The following KCNK3 variants were observed in gnomAD, a reference collection of about 807,000 sequenced individuals.
KCNK3 encodes the protein potassium channel subfamily K member 3.
In KCNK3, 9 loss-of-function variants were observed where a neutral mutation model predicts 27.3. That is an observed-to-expected ratio of 0.33 (90% confidence interval 0.20 to 0.57). KCNK3 has a LOEUF of 0.57. Among genes scored for constraint, KCNK3 ranks in the 20% least tolerant of loss-of-function variants. The pLI, the probability that KCNK3 is intolerant of heterozygous loss-of-function variation, is 0.87. For synonymous variants in KCNK3, 278 were observed against 273.8 expected, an observed-to-expected ratio of 1.02 and a Z score of -0.15; for missense variants, 391 against 577.7, an observed-to-expected ratio of 0.68 and a Z score of 3.31.
At chr2:26,698,821 C>T (rs1468936143) in intron 1 of KCNK3, among the ~76,000 whole-genome samples, 1 of 151,976 alleles carries the variant, frequency 6.6e-6, no homozygotes, top group African/African-American at 2.4e-5. Context: ...AGGGGCTGGG[C>T]GTGGTGGCTC....
At chr2:26,716,185 G>A (rs570273724) in intron 1 of KCNK3, among the ~76,000 whole-genome samples, 2 of 152,298 alleles carry the variant, frequency 1.3e-5, no homozygotes, top group East Asian at 3.9e-4. Flanking sequence ...TGAATTTCAA[G>A]TTTGATTCTA....
intron 1 of KCNK3, among the ~76,000 whole-genome samples, chr2:26,709,400 C>G (rs1360057748): frequency 2.6e-5 from 4 of 152,074 alleles, no homozygotes; most frequent in African/African-American, 9.7e-5. Flanking sequence ...AGGAAGGGAG[C>G]CTGCCAGGAG....
chr2:26,707,319 C>A (rs1402884185), intron 1 of KCNK3, among the ~76,000 whole-genome samples: 1 of 152,158 alleles, frequency 6.6e-6, no homozygotes, highest in African/African-American at 2.4e-5. Flanking sequence ...CAGGCTGATC[C>A]CAGCCACTGC....
chr2:26,695,142 C>T (rs946352849), intron 1 of KCNK3, among the ~76,000 whole-genome samples: 3 of 152,226 alleles, frequency 2.0e-5, no homozygotes, highest in Admixed American at 6.5e-5. Flanking sequence ...TGATCCCTCT[C>T]GATAGCTGCC....
At position 26,693,453 on chromosome 2, in the gene KCNK3, G is replaced by C. The variant is rs1276811031; in HGVS notation, c.283+295G>C. On this transcript the variant is annotated intron_variant, in intron 1 of 1. Transcript: ENST00000302909. This position sits in a 1 kb window ranked among gnomAD's most constrained non-coding sequence, Gnocchi z 5.5. ...CGAAGTGTGTGAGAGGGGCAGGGAC[G>C]ACCGGCGGAGGCTCGGGCAGGAGGG... is the stretch of plus-strand genomic sequence containing the variant. 6.6e-6 allele frequency among the ~76,000 whole-genome samples: 1 copy of C among 152,250 alleles called. No individual in the cohort carries two copies. The highest frequency in any genetic ancestry group is 2.4e-5 in the African/African-American group (1 of 41,474).
intron 1 of KCNK3, among the ~76,000 whole-genome samples, chr2:26,700,504 G>A (rs1020893791): frequency 2.6e-5 from 4 of 152,182 alleles, no homozygotes; most frequent in African/African-American, 4.8e-5. Context: ...AGTTCTCCTG[G>A]GCTGGTGGCC....
At chr2:26,723,089 G>C (rs953687427) in intron 1 of KCNK3, among the ~76,000 whole-genome samples, 1 of 152,230 alleles carries the variant, frequency 6.6e-6, no homozygotes, top group Non-Finnish European at 1.5e-5. Context: ...AAGGGTAGGA[G>C]GTCAAGCAAG....
intron 1 of KCNK3, among the ~76,000 whole-genome samples, chr2:26,697,125 G>C (rs1199976174): frequency 6.6e-6 from 1 of 152,170 alleles, no homozygotes; most frequent in Non-Finnish European, 1.5e-5. Context: ...GGCCTCGGAA[G>C]CATGGCACTT....
chr2:26,720,803 T>C (rs758101248), intron 1 of KCNK3, among the ~76,000 whole-genome samples: 19 of 152,090 alleles, frequency 1.2e-4, no homozygotes, highest in Non-Finnish European at 2.2e-4. Flanking sequence ...GGATAGGTGC[T>C]GTGCTTCAGA....
At chr2:26,695,692 G>T (rs774446344) in intron 1 of KCNK3, among the ~76,000 whole-genome samples, 3 of 152,198 alleles carry the variant, frequency 2.0e-5, no homozygotes, top group Non-Finnish European at 4.4e-5. Context: ...TGGGTTTAAG[G>T]TGTGCAGAAA....
intron 1 of KCNK3, among the ~76,000 whole-genome samples, chr2:26,703,286 C>T (rs1670332209): frequency 6.6e-6 from 1 of 152,134 alleles, no homozygotes; most frequent in African/African-American, 2.4e-5. Flanking sequence ...AAAGACAACC[C>T]ATTATGAACT....
Position 26,721,369 on chromosome 2 carries a change from C to A in KCNK3, c.284-6298C>A, listed in dbSNP as rs1398906803. Among the ~76,000 whole-genome samples the A allele has an allele frequency of 6.6e-6, 1 of 152,114 alleles. No homozygotes were observed. The highest frequency in any genetic ancestry group is 1.5e-5 in the Non-Finnish European group (1 of 67,996). ...GGAGGGAGAGCACCTGCGCCCTCCT[C>A]CCGTCTCCACCAAGCTGCAGCCCCT... is the stretch of plus-strand genomic sequence containing the variant. On this transcript the variant is annotated intron_variant, in intron 1 of 1. Coordinates refer to ENST00000302909, the MANE Select transcript of KCNK3 (RefSeq NM_002246.3). The surrounding 1 kb of genome is among the most constrained non-coding windows in gnomAD (Gnocchi z 4.3).
intron 1 of KCNK3, among the ~76,000 whole-genome samples, chr2:26,713,590 G>A (rs1464544171): frequency 6.6e-6 from 1 of 152,072 alleles, no homozygotes; most frequent in Non-Finnish European, 1.5e-5. Flanking sequence ...GACCAGCCTG[G>A]CCAACATGGT....
chr2:26,699,219 AAGAAAGAAAG>A (rs1275829204), intron 1 of KCNK3, among the ~76,000 whole-genome samples: 1 of 147,406 alleles, frequency 6.8e-6, no homozygotes, highest in Non-Finnish European at 1.5e-5. Context: ...GAAAGAAAGA[AAGAAAGAAAG>A]AAAGAAAGAA....
chr2:26,718,888 A>T (rs1663278745), intron 1 of KCNK3, among the ~76,000 whole-genome samples: 1 of 152,218 alleles, frequency 6.6e-6, no homozygotes, highest in African/African-American at 2.4e-5. Flanking sequence ...GTTTACAGGC[A>T]TGAACGAGTG....
At chr2:26,712,177 G>A (rs984658437) in intron 1 of KCNK3, among the ~76,000 whole-genome samples, 1 of 152,306 alleles carries the variant, frequency 6.6e-6, no homozygotes. Context: ...TCAGAAGAGA[G>A]CAACAAGCCC....
rs142860959 is a variant in KCNK3 at position 26,728,992 on chromosome 2, C to A, written c.*424C>A. ...CTAGGTCTCCCACCTTCCCTTGGTT[C>A]CAAAAGCCAGGGTGTCTATGTCCAA... On this transcript the variant is annotated 3_prime_UTR_variant, in exon 2 of 2. Coordinates refer to ENST00000302909, the MANE Select transcript of KCNK3 (RefSeq NM_002246.3). 154 of 162,670 alleles carry A rather than the reference C, an allele frequency of 9.5e-4. No homozygotes were observed. Among genetic ancestry groups the A allele is most frequent in the African/African-American group, 3.6e-3 (151 of 41,966 alleles). The allele number at this position is 162,670 out of a possible 1,614,324, so 10.1% of individuals were successfully genotyped here. A position where few individuals can be genotyped will look rare whatever the true frequency, so the allele number is the denominator to read the frequency against.
At chr2:26,717,429 G>A (rs529489225) in intron 1 of KCNK3, among the ~76,000 whole-genome samples, 18 of 152,298 alleles carry the variant, frequency 1.2e-4, no homozygotes, top group Admixed American at 4.6e-4. Context: ...TGTAAGACTC[G>A]GGCCAGCCAG....
intron 1 of KCNK3, among the ~76,000 whole-genome samples, chr2:26,698,156 C>T (rs1181503236): frequency 6.6e-6 from 1 of 152,096 alleles, no homozygotes; most frequent in East Asian, 1.9e-4. Context: ...TCTGGCAGCT[C>T]ATCACTCCAT....
Sources: gnomAD v4.1 joint callset for allele counts (sites outside exome capture counted in the v4.1 genomes callset) on GRCh38, gnomAD v4.1.1 for gene constraint, Gnocchi (gnomAD v3.1) non-coding constraint, MANE v1.5 for transcripts, NCBI Gene and HGNC (gene_info 2026-07-23, HGNC 2026-07-21) for gene names.